Variants in ROBO2 observed in about 807,000 individuals in gnomAD.
ROBO2 encodes roundabout guidance receptor 2, also known as roundabout homolog 2.
A neutral mutation model predicts 160.8 loss-of-function variants in ROBO2; 53 were observed. The ratio of observed to expected loss-of-function variants is 0.33; its 90% confidence interval spans 0.26 to 0.41. The LOEUF (loss-of-function observed/expected upper bound fraction) is 0.41, where lower values mean the gene tolerates loss of function less well. Among genes scored for constraint, ROBO2 ranks in the 10% least tolerant of loss-of-function variants. The pLI is 1.00. For synonymous variants in ROBO2, 664 were observed against 611.7 expected, an observed-to-expected ratio of 1.09 and a Z score of -1.26; for missense variants, 1,577 against 1,722.4, an observed-to-expected ratio of 0.92 and a Z score of 1.49.
chr3:76,481,120 G>A (rs2079184230), intron 2 of ROBO2, among the ~76,000 whole-genome samples: 1 of 152,108 alleles, frequency 6.6e-6, no homozygotes, highest in Non-Finnish European at 1.5e-5. Context: ...TGACCTGAAA[G>A]TTTTCACTTT....
intron 2 of ROBO2, among the ~76,000 whole-genome samples, chr3:77,283,014 T>C (rs1254375588): frequency 3.3e-5 from 5 of 151,988 alleles, no homozygotes; most frequent in African/African-American, 9.7e-5. Flanking sequence ...ATGTCAATTA[T>C]GGCAAAAATA....
In ROBO2 at chr3:77,212,007, G is replaced by A. The variant is rs141292929; in HGVS notation, c.388+113667G>A. On this transcript the variant is annotated intron_variant, in intron 2 of 25. Transcript: ENST00000461745. ...GTAGTATAGTTTGATGTCAGGTAGC[G>A]TGATGCCTCCAGCTTTGTTCTTTTG... is the stretch of plus-strand genomic sequence containing the variant. Among the ~76,000 whole-genome samples the A allele has an allele frequency of 0.028, 4,323 of 152,204 alleles. 303 individuals carry two copies. The East Asian group carries it at 0.3, about 10-fold the overall frequency.
intron 2 of ROBO2, among the ~76,000 whole-genome samples, chr3:77,457,805 G>GTATTTGTTA (rs1479051105): frequency 6.6e-6 from 1 of 151,894 alleles, no homozygotes; most frequent in Non-Finnish European, 1.5e-5. Context: ...GGTCAAAATA[G>GTATTTGTTA]TATTTGTTAA....
At chr3:77,433,395 C>T (rs1261448663) in intron 2 of ROBO2, among the ~76,000 whole-genome samples, 1 of 149,266 alleles carries the variant, frequency 6.7e-6, no homozygotes, top group Admixed American at 6.7e-5. Context: ...CAGTATCACT[C>T]CTAGATGACA....
At chr3:76,330,118 C>A (rs1417640656) in intron 2 of ROBO2, among the ~76,000 whole-genome samples, 1 of 152,132 alleles carries the variant, frequency 6.6e-6, no homozygotes, top group Admixed American at 6.5e-5. Flanking sequence ...ACATGAGGCA[C>A]CATGAGGCAG....
intron 16 of ROBO2, among the ~76,000 whole-genome samples, chr3:77,588,310 T>C (rs772118865): frequency 2.0e-5 from 3 of 152,092 alleles, no homozygotes; most frequent in Admixed American, 6.6e-5. Flanking sequence ...TACATGTTCT[T>C]GTGAATTATG....
At position 76,897,699 on chromosome 3, in the gene ROBO2, A is replaced by G. The variant is rs1577332289; in HGVS notation, c.110-200315A>G. ...GTTAAAATTGAAATTTATCCAGGAT[A>G]GAGTGGCCCTCACTTTTTTTTTTTT... On this transcript the variant is annotated intron_variant, in intron 2 of 26. Coordinates refer to the ROBO2 transcript ENST00000487694. Among the ~76,000 whole-genome samples, 6 of 147,074 alleles carry G rather than the reference A, an allele frequency of 4.1e-5. No homozygotes were observed. The South Asian group carries it at 1.3e-3, about 32-fold the overall frequency.
rs185158699 is a variant in ROBO2, at chr3:77,136,886, C to T, written c.388+38546C>T. Among the ~76,000 whole-genome samples, 17 of 152,234 alleles carry T rather than the reference C, an allele frequency of 1.1e-4. No homozygotes were observed. The East Asian group carries it at 1.7e-3, about 16-fold the overall frequency. ...TCCTGACCTTGTGATCCGCCCGCCT[C>T]GGCCTTCCAAAGTGCTGGGATTACA... On this transcript the variant is annotated intron_variant, in intron 2 of 25. Coordinates refer to ENST00000461745, the Ensembl canonical transcript of ROBO2.
rs529940656 is a variant in ROBO2 at position 76,947,541 on chromosome 3, G to A, written c.110-150473G>A. On this transcript the variant is annotated intron_variant, in intron 2 of 26. Coordinates refer to the ROBO2 transcript ENST00000487694. Reference sequence around the variant, plus strand: ...TTAACAATTTCAAATGCCTGCAATCGATGACATATGACTGTTTTTTTCTTA... The same window carrying A: ...TTAACAATTTCAAATGCCTGCAATCAATGACATATGACTGTTTTTTTCTTA... Among the ~76,000 whole-genome samples, 7 of 152,088 alleles carry A rather than the reference G, an allele frequency of 4.6e-5. No homozygotes were observed. The East Asian group carries it at 7.7e-4, about 17-fold the overall frequency.
chr3:77,013,617 G>A (rs2062047929), intron 2 of ROBO2, among the ~76,000 whole-genome samples: 1 of 151,998 alleles, frequency 6.6e-6, no homozygotes, highest in African/African-American at 2.4e-5. Flanking sequence ...CTCCATTGGT[G>A]TAATGTGGTA....
chr3:76,877,749 A>T (rs1427192858), intron 2 of ROBO2, among the ~76,000 whole-genome samples: 1 of 152,174 alleles, frequency 6.6e-6, no homozygotes, highest in African/African-American at 2.4e-5. Context: ...ACAATACTGG[A>T]GGCGCATAGC....
intron 2 of ROBO2, among the ~76,000 whole-genome samples, chr3:76,862,805 A>G (rs1204230095): frequency 6.6e-6 from 1 of 152,134 alleles, no homozygotes; most frequent in Non-Finnish European, 1.5e-5. Context: ...AATATAGATT[A>G]AAAACAATAA....
At position 77,291,041 on chromosome 3, in the gene ROBO2, T is replaced by A. The variant is rs141970443; in HGVS notation, c.389-186373T>A. On this transcript the variant is annotated intron_variant, in intron 2 of 25. Coordinates refer to ENST00000461745, the Ensembl canonical transcript of ROBO2. ...CCCAGACATGAAGTAAAATTGATGG[T>A]TAAACGAGTAAGCTGAGGCTAGATC... is the stretch of plus-strand genomic sequence containing the variant. 6.0e-3 allele frequency among the ~76,000 whole-genome samples: 890 copies of A among 148,468 alleles called. 12 individuals are homozygous for A. Among genetic ancestry groups the A allele is most frequent in the African/African-American group, 0.022 (857 of 39,502 alleles).
At chr3:77,186,252 G>C (rs1024930246) in intron 2 of ROBO2, among the ~76,000 whole-genome samples, 3 of 151,816 alleles carry the variant, frequency 2.0e-5, no homozygotes, top group African/African-American at 7.3e-5. Flanking sequence ...AATGTCATGG[G>C]GAGATTAAAA....
exon 26 of ROBO2, chr3:77,646,203 A>G (rs2095411618): frequency 2.0e-6 from 1 of 489,968 alleles, no homozygotes; most frequent in Non-Finnish European, 3.6e-6. Flanking sequence ...AGCCACACAT[A>G]TCCCACAGAT....
At chr3:76,904,878 G>C (rs2075485591) in intron 2 of ROBO2, among the ~76,000 whole-genome samples, 1 of 152,142 alleles carries the variant, frequency 6.6e-6, no homozygotes, top group Admixed American at 6.6e-5. Context: ...CCATGACTAA[G>C]TCTGGTAGAG....
At position 76,743,363 on chromosome 3, in the gene ROBO2, C is replaced by T. The variant is rs966493388; in HGVS notation, c.110-354651C>T. Reference sequence around the variant, plus strand: ...ATCAAGACTGAGTTACCTATGTTCACTATTTTGGTGATGGGTTCACCAAAA... The same window carrying T: ...ATCAAGACTGAGTTACCTATGTTCATTATTTTGGTGATGGGTTCACCAAAA... On this transcript the variant is annotated intron_variant, in intron 2 of 26. Coordinates refer to the ROBO2 transcript ENST00000487694. Among the ~76,000 whole-genome samples, 3 of 152,058 alleles carry T rather than the reference C, an allele frequency of 2.0e-5. No homozygotes were observed. The East Asian group carries it at 5.8e-4, about 29-fold the overall frequency.
At chr3:77,600,452 A>G (rs564978770) in intron 19 of ROBO2, among the ~76,000 whole-genome samples, 1 of 152,304 alleles carries the variant, frequency 6.6e-6, no homozygotes, top group East Asian at 1.9e-4. Context: ...CATTAGTTGT[A>G]TAGCAATATT....
intron 2 of ROBO2, among the ~76,000 whole-genome samples, chr3:77,193,184 C>T (rs2082015808): frequency 6.6e-6 from 1 of 151,588 alleles, no homozygotes; most frequent in Non-Finnish European, 1.5e-5. Flanking sequence ...AAACCACGTC[C>T]CAGGCGAAGT....
Sources: gnomAD v4.1 joint callset for allele counts (sites outside exome capture counted in the v4.1 genomes callset) on GRCh38, gnomAD v4.1.1 for gene constraint, MANE v1.5 for transcripts, NCBI Gene and HGNC (gene_info 2026-07-23, HGNC 2026-07-21) for gene names.